Variants in BRINP3 observed in about 807,000 individuals in gnomAD.
The protein encoded by BRINP3 is BMP/retinoic acid-inducible neural-specific protein 3.
BRINP3 carries 19 observed loss-of-function variants against 71.0 expected under a neutral mutation model. The observed-to-expected ratio is 0.27, with a 90% confidence interval of 0.19 to 0.39. The LOEUF (loss-of-function observed/expected upper bound fraction) is 0.39, where lower values mean the gene tolerates loss of function less well. BRINP3 is among the 10% of genes least tolerant of loss of function. The pLI is 1.00. For synonymous variants in BRINP3, 380 were observed against 337.7 expected (o/e 1.13, Z -1.37); for missense variants, 959 against 940.8 (o/e 1.02, Z -0.25).
At chr1:190,458,060 T>C (rs1203465642) in intron 1 of BRINP3, among the ~76,000 whole-genome samples, 2 of 152,172 alleles carry the variant, frequency 1.3e-5, no homozygotes, top group Non-Finnish European at 2.9e-5. Context: ...AGGTTTTCTT[T>C]AATTTTGTGC....
chr1:190,374,858 G>A (rs1196102208), intron 2 of BRINP3, among the ~76,000 whole-genome samples: 1 of 151,898 alleles, frequency 6.6e-6, no homozygotes, highest in African/African-American at 2.4e-5. Flanking sequence ...GTCATGAACA[G>A]GATATATGGA....
chr1:190,114,395 C>T (rs1350744307), intron 7 of BRINP3, among the ~76,000 whole-genome samples: 1 of 151,956 alleles, frequency 6.6e-6, no homozygotes, highest in Non-Finnish European at 1.5e-5. Flanking sequence ...AATACAACCC[C>T]CAAAAAATCA....
At chr1:190,267,458 G>C (rs1157887858) in intron 3 of BRINP3, among the ~76,000 whole-genome samples, 1 of 151,798 alleles carries the variant, frequency 6.6e-6, no homozygotes, top group Non-Finnish European at 1.5e-5. Context: ...AGAATTTAAG[G>C]AACACAGCTA....
intron 6 of BRINP3, among the ~76,000 whole-genome samples, chr1:190,220,859 A>G (rs1397229889): frequency 6.6e-6 from 1 of 152,198 alleles, no homozygotes; most frequent in African/African-American, 2.4e-5. Flanking sequence ...GGTAAAATTA[A>G]GTACAAGGAC....
At chr1:190,338,324 A>G (rs1667425853) in intron 2 of BRINP3, among the ~76,000 whole-genome samples, 1 of 152,058 alleles carries the variant, frequency 6.6e-6, no homozygotes, top group Admixed American at 6.6e-5. Flanking sequence ...ATTACTTAAT[A>G]AAGGACCTTA....
At chr1:190,327,631 T>C (rs1319017871) in intron 2 of BRINP3, among the ~76,000 whole-genome samples, 1 of 152,088 alleles carries the variant, frequency 6.6e-6, no homozygotes, top group Non-Finnish European at 1.5e-5. Flanking sequence ...ACATCTAATA[T>C]TGGAGCACAG....
chr1:190,153,661 A>G (rs1172654605), intron 7 of BRINP3, among the ~76,000 whole-genome samples: 5 of 152,336 alleles, frequency 3.3e-5, no homozygotes, highest in African/African-American at 1.2e-4. Flanking sequence ...TCACATTAAT[A>G]TATAAATGCA....
chr1:190,402,650 T>C (rs1476083281), intron 2 of BRINP3, among the ~76,000 whole-genome samples: 1 of 152,210 alleles, frequency 6.6e-6, no homozygotes. Flanking sequence ...GAGTTCAATG[T>C]TTTAGTTTGA....
chr1:190,268,542 T>A (rs917721203), intron 3 of BRINP3, among the ~76,000 whole-genome samples: 2 of 152,154 alleles, frequency 1.3e-5, no homozygotes, highest in Non-Finnish European at 1.5e-5. Flanking sequence ...AACATGCTAA[T>A]AAATATATTA....
chr1:190,227,058 T>C lies in BRINP3; in HGVS notation c.725-740A>G, dbSNP rs1657455872. 3.3e-5 allele frequency among the ~76,000 whole-genome samples: 5 copies of C among 152,036 alleles called. No individual in the cohort carries two copies. The South Asian group carries it at 1.0e-3, about 32-fold the overall frequency. ...TCTCAGGGTGTAGCATTTATTACGATATTTCAAAAATGTAGTTTTTCAGTA... is the reference window on the plus strand; with the variant it reads ...TCTCAGGGTGTAGCATTTATTACGACATTTCAAAAATGTAGTTTTTCAGTA... On this transcript the variant is annotated intron_variant, in intron 5 of 7. Coordinates refer to ENST00000367462, the MANE Select transcript of BRINP3 (RefSeq NM_199051.3).
chr1:190,404,133 T>C (rs962729650), intron 2 of BRINP3, among the ~76,000 whole-genome samples: 3 of 152,176 alleles, frequency 2.0e-5, no homozygotes, highest in African/African-American at 7.2e-5. Context: ...AATCATGCTC[T>C]TTAAGTCAAA....
chr1:190,377,875 A>T (rs1199107398), intron 2 of BRINP3, among the ~76,000 whole-genome samples: 1 of 152,132 alleles, frequency 6.6e-6, no homozygotes, highest in Non-Finnish European at 1.5e-5. Context: ...TAAATTTTTT[A>T]AATTTCTAAA....
In BRINP3 at chr1:190,354,177, T is replaced by C. The variant is rs571565267; in HGVS notation, c.237-72427A>G. Among the ~76,000 whole-genome samples, 70 of 152,158 alleles carry C rather than the reference T, an allele frequency of 4.6e-4. 1 individual carries two copies. Among genetic ancestry groups the C allele is most frequent in the African/African-American group, 1.6e-3 (65 of 41,574 alleles). On this transcript the variant is annotated intron_variant, in intron 2 of 7. Coordinates refer to ENST00000367462, the MANE Select transcript of BRINP3 (RefSeq NM_199051.3). ...CATGGCAGGCTTCCTAAGTTACTAT[T>C]ATCAAGTTATAGTATTTTATTGATT...
At chr1:190,118,378 G>T (rs1255877768) in intron 7 of BRINP3, among the ~76,000 whole-genome samples, 1 of 151,978 alleles carries the variant, frequency 6.6e-6, no homozygotes, top group East Asian at 1.9e-4. Context: ...ATTGACTGGT[G>T]CTTATACTTT....
chr1:190,303,728 T>C (rs1664891699), intron 2 of BRINP3, among the ~76,000 whole-genome samples: 1 of 151,790 alleles, frequency 6.6e-6, no homozygotes, highest in Admixed American at 6.6e-5. Context: ...CAACTAAAAT[T>C]AACTACTTTG....
chr1:190,376,217 C>T (rs909772371), intron 2 of BRINP3, among the ~76,000 whole-genome samples: 2 of 151,856 alleles, frequency 1.3e-5, no homozygotes, highest in Non-Finnish European at 2.9e-5. Context: ...GGTTAAATAG[C>T]TGATTACCTT....
intron 2 of BRINP3, among the ~76,000 whole-genome samples, chr1:190,447,980 G>C (rs1675340625): frequency 6.6e-6 from 1 of 151,500 alleles, no homozygotes. Flanking sequence ...AATACTTGTA[G>C]GCTTTTTAGT....
chr1:190,162,055 T>C (rs554495195), intron 6 of BRINP3, among the ~76,000 whole-genome samples: 4 of 152,138 alleles, frequency 2.6e-5, no homozygotes, highest in Admixed American at 2.6e-4. Flanking sequence ...AATAGACTTT[T>C]ATCTGAAAAA....
rs79456224 is a variant in BRINP3 at position 190,434,963 on chromosome 1, T to C, written c.236+19692A>G. On this transcript the variant is annotated intron_variant, in intron 2 of 7. Transcript: ENST00000367462. ...GCAGAGATTTGGTGACTTAACAGTA[T>C]AGTTTTCTGTGCTCTATGAAGACTT... 4.3e-3 allele frequency among the ~76,000 whole-genome samples: 654 copies of C among 152,274 alleles called. 4 individuals are homozygous for C. The highest frequency in any genetic ancestry group is 7.2e-3 in the Non-Finnish European group (490 of 67,996).
Sources: gnomAD v4.1 joint callset for allele counts (sites outside exome capture counted in the v4.1 genomes callset) on GRCh38, gnomAD v4.1.1 for gene constraint, MANE v1.5 for transcripts, NCBI Gene and HGNC (gene_info 2026-07-23, HGNC 2026-07-21) for gene names.